Variants in TBC1D5 observed in about 807,000 individuals in gnomAD.
The protein encoded by TBC1D5 is TBC1 domain family member 5, also known as TBC1 domain family, member 5.
Under a neutral mutation model 100.3 loss-of-function variants are expected in TBC1D5, and 75 were observed. The ratio of observed to expected loss-of-function variants is 0.75; its 90% confidence interval spans 0.62 to 0.91. The LOEUF is 0.91. Among genes scored for constraint, TBC1D5 ranks in the 40% least tolerant of loss-of-function variants. The pLI is 0.00. For synonymous variants in TBC1D5, 323 were observed against 325.6 expected, an observed-to-expected ratio of 0.99 and a Z score of 0.09; for missense variants, 910 against 942.4, an observed-to-expected ratio of 0.97 and a Z score of 0.45.
At chr3:17,493,200 T>C (rs1395769566) in intron 3 of TBC1D5, among the ~76,000 whole-genome samples, 1 of 152,218 alleles carries the variant, frequency 6.6e-6, no homozygotes, top group Admixed American at 6.5e-5. Flanking sequence ...GAAGCTCAGT[T>C]TGGCCAGATG....
At chr3:17,631,498 C>A (rs6800330) in intron 1 of TBC1D5, among the ~76,000 whole-genome samples, 1 of 152,028 alleles carries the variant, frequency 6.6e-6, no homozygotes, top group Non-Finnish European at 1.5e-5. Flanking sequence ...TCAATGTAGA[C>A]GAAACAATAT....
At chr3:17,320,107 G>A (rs2085211563) in intron 13 of TBC1D5, among the ~76,000 whole-genome samples, 1 of 152,038 alleles carries the variant, frequency 6.6e-6, no homozygotes, top group Admixed American at 6.6e-5. Flanking sequence ...CTTTGTACAG[G>A]TCTTTGTTCG....
intron 1 of TBC1D5, among the ~76,000 whole-genome samples, chr3:17,652,483 T>C (rs1452993946): frequency 1.3e-5 from 2 of 152,158 alleles, no homozygotes; most frequent in African/African-American, 4.8e-5. Context: ...TTCCTCTACA[T>C]TGGGAGAAAA....
At chr3:17,728,438 A>T (rs6796915) in intron 1 of TBC1D5, among the ~76,000 whole-genome samples, 3,809 of 152,298 alleles carry the variant, frequency 0.025, 151 homozygotes, top group African/African-American at 0.086. Flanking sequence ...ACCAAAAAAA[A>T]TTCATAAAGA....
intron 2 of TBC1D5, among the ~76,000 whole-genome samples, chr3:17,591,909 C>T (rs1270060424): frequency 1.3e-5 from 2 of 152,202 alleles, no homozygotes; most frequent in Non-Finnish European, 2.9e-5. Context: ...ACTACATCCC[C>T]ATTCAACTCT....
chr3:17,278,751 T>G (rs2080277338), intron 15 of TBC1D5, among the ~76,000 whole-genome samples: 1 of 152,248 alleles, frequency 6.6e-6, no homozygotes, highest in African/African-American at 2.4e-5. Context: ...CCAAGGTTTT[T>G]GTTAAAATCT....
At chr3:17,436,660 TA>T (rs1305856353) in intron 3 of TBC1D5, among the ~76,000 whole-genome samples, 2 of 152,138 alleles carry the variant, frequency 1.3e-5, no homozygotes, top group Non-Finnish European at 2.9e-5. Flanking sequence ...TAAATTTAAA[TA>T]AAATTACAGC....
At chr3:17,661,780 G>A (rs1174411899) in intron 1 of TBC1D5, among the ~76,000 whole-genome samples, 1 of 152,142 alleles carries the variant, frequency 6.6e-6, no homozygotes, top group African/African-American at 2.4e-5. Flanking sequence ...TCACAGGCAT[G>A]AGCCATCGCA....
At chr3:17,185,719 A>T (rs929055170) in intron 18 of TBC1D5, among the ~76,000 whole-genome samples, 2 of 152,080 alleles carry the variant, frequency 1.3e-5, no homozygotes, top group Non-Finnish European at 2.9e-5. Context: ...AAAATAAAAA[A>T]AAAGACATAG....
At chr3:17,652,501 T>C (rs1195733481) in intron 1 of TBC1D5, among the ~76,000 whole-genome samples, 4 of 152,156 alleles carry the variant, frequency 2.6e-5, no homozygotes, top group Non-Finnish European at 5.9e-5. Flanking sequence ...AAAAGTATTC[T>C]AAATAAGGAC....
At chr3:17,368,760 T>A (rs1360820466) in intron 13 of TBC1D5, among the ~76,000 whole-genome samples, 4 of 151,980 alleles carry the variant, frequency 2.6e-5, no homozygotes, top group African/African-American at 9.6e-5. Context: ...AAAAAATTTG[T>A]TTTGTTTGAA....
intron 13 of TBC1D5, among the ~76,000 whole-genome samples, chr3:17,353,508 C>T (rs1292742277): frequency 6.6e-6 from 1 of 151,960 alleles, no homozygotes; most frequent in African/African-American, 2.4e-5. Context: ...ACAATTACAT[C>T]ACTATTATAT....
chr3:17,218,478 C>T (rs1332307663), intron 17 of TBC1D5, among the ~76,000 whole-genome samples: 1 of 151,886 alleles, frequency 6.6e-6, no homozygotes, highest in African/African-American at 2.4e-5. Context: ...TTTATATTTG[C>T]CTACACAGCT....
chr3:17,162,716 T>G (rs2066191906), intron 21 of TBC1D5, among the ~76,000 whole-genome samples: 1 of 152,188 alleles, frequency 6.6e-6, no homozygotes, highest in South Asian at 2.1e-4. Context: ...ACTGTCTTTT[T>G]TCTGAGTTGG....
intron 1 of TBC1D5, among the ~76,000 whole-genome samples, chr3:17,668,304 C>T (rs6780587): frequency 0.5 from 75,557 of 151,002 alleles, 20,423 homozygotes; most frequent in East Asian, 0.94. Flanking sequence ...AAAAGTGTTT[C>T]AATAAACATT....
chr3:17,178,082 TTGA>T, intron 19 of TBC1D5, among the ~76,000 whole-genome samples: 1 of 150,928 alleles, frequency 6.6e-6, no homozygotes. Context: ...TTTTTTTTTT[TTGA>T]GATGGAGTCT....
At chr3:17,603,841 T>C (rs1320231637) in intron 2 of TBC1D5, among the ~76,000 whole-genome samples, 3 of 151,962 alleles carry the variant, frequency 2.0e-5, no homozygotes, top group African/African-American at 4.8e-5. Context: ...GATGGGGTTT[T>C]ACCATGTTGG....
chr3:17,378,533 G>C (rs137892379), intron 9 of TBC1D5, among the ~76,000 whole-genome samples: 26 of 151,746 alleles, frequency 1.7e-4, no homozygotes, highest in Admixed American at 4.6e-4. Context: ...GAAATGTTTC[G>C]TTTCCTTGGT....
chr3:17,231,662 C>T (rs2075432057), intron 17 of TBC1D5, among the ~76,000 whole-genome samples: 1 of 151,848 alleles, frequency 6.6e-6, no homozygotes, highest in South Asian at 2.1e-4. Flanking sequence ...TTTCTGCTAC[C>T]ACTATTTTGG....
Sources: allele counts gnomAD v4.1 joint callset (sites outside exome capture counted in the v4.1 genomes callset), GRCh38; gene constraint gnomAD v4.1.1; transcripts MANE v1.5; gene names NCBI Gene and HGNC (gene_info 2026-07-23, HGNC 2026-07-21).